Variants in CPEB1 observed in about 807,000 individuals in gnomAD.
The protein encoded by CPEB1 is cytoplasmic polyadenylation element binding protein 1.
Under a neutral mutation model 65.8 loss-of-function variants are expected in CPEB1, and 7 were observed. The observed-to-expected ratio is 0.11, with a 90% CI of 0.06 to 0.20. The LOEUF (loss-of-function observed/expected upper bound fraction) is 0.20. Among genes scored for constraint, CPEB1 ranks in the 10% least tolerant of loss-of-function variants. CPEB1 has a pLI of 1.00. For missense variants in CPEB1, 551 were observed against 712.2 expected (o/e 0.77, Z 2.58); for synonymous variants, 262 against 260.0 (o/e 1.01, Z -0.08).
At chr15:82,617,883 G>A (rs964034959) in intron 3 of CPEB1, among the ~76,000 whole-genome samples, 15 of 150,508 alleles carry the variant, frequency 1.0e-4, no homozygotes, top group African/African-American at 2.9e-4. Flanking sequence ...ACAGGCGCCC[G>A]CCACTACGCC....
intron 6 of CPEB1, among the ~76,000 whole-genome samples, chr15:82,554,328 A>G (rs571188843): frequency 1.3e-5 from 2 of 152,374 alleles, no homozygotes; most frequent in East Asian, 3.9e-4. Flanking sequence ...TATTGCTTAC[A>G]GTACTAATTC....
chr15:82,635,922 T>C (rs1309440760), intron 1 of CPEB1, among the ~76,000 whole-genome samples: 1 of 152,048 alleles, frequency 6.6e-6, no homozygotes, highest in African/African-American at 2.4e-5. Context: ...GAAAACAAAG[T>C]AGTCCAACAG....
Position 82,601,480 on chromosome 15 carries a change from G to A in CPEB1, c.271+25713C>T, listed in dbSNP as rs139503783. Reference sequence around the variant, plus strand: ...CGCTTGAAACCAGGAGGCGGAGGTTGCAGTGACCTGAGATCACGCCACTGC... The same window carrying A: ...CGCTTGAAACCAGGAGGCGGAGGTTACAGTGACCTGAGATCACGCCACTGC... On this transcript the variant is annotated intron_variant, in intron 3 of 12. Coordinates refer to ENST00000684509, the MANE Select transcript of CPEB1 (RefSeq NM_001365242.1). 1.1e-3 allele frequency among the ~76,000 whole-genome samples: 165 copies of A among 152,168 alleles called. 2 individuals carry two copies. In the East Asian group the frequency reaches 0.027, roughly 25 times the overall value.
intron 3 of CPEB1, chr15:82,571,910 GAA>G: frequency 1.0e-6 from 1 of 970,088 alleles, no homozygotes; most frequent in East Asian, 9.4e-5. Flanking sequence ...GCCTCCCAGG[GAA>G]AGACAGCACA....
chr15:82,637,946 T>G (rs758915854), intron 1 of CPEB1: 14 of 452,542 alleles, frequency 3.1e-5, no homozygotes, highest in South Asian at 1.9e-4. Context: ...CTATTACATA[T>G]TAACACAATG....
chr15:82,576,066 G>A lies in CPEB1; in HGVS notation c.272-4534C>T, dbSNP rs370584269. 5.3e-5 allele frequency among the ~76,000 whole-genome samples: 8 copies of A among 152,088 alleles called. No individual in the cohort carries two copies. The East Asian group carries it at 7.7e-4, about 15-fold the overall frequency. On this transcript the variant is annotated intron_variant, in intron 3 of 12. Transcript: ENST00000684509. ...CAGCTTTATTCATAATCACCCAAAC[G>A]TGGATTCAGTCCATGTGAGAATCAA...
At chr15:82,648,004 CGAGCCGCTCCTCG>C, upstream of CPEB1, 1 of 665,148 alleles carries the variant, frequency 1.5e-6, no homozygotes, top group Non-Finnish European at 2.1e-6. Flanking sequence ...GAAGCTCCTA[CGAGCCGCTCCTCG>C]GAGCCGCCCC....
intron 3 of CPEB1, among the ~76,000 whole-genome samples, chr15:82,609,625 T>C (rs560097976): frequency 6.6e-6 from 1 of 150,988 alleles, no homozygotes; most frequent in South Asian, 2.1e-4. Context: ...CGAAATAATG[T>C]CTAGAAAAAC....
intron 3 of CPEB1, among the ~76,000 whole-genome samples, chr15:82,578,812 A>G (rs553608581): frequency 6.6e-6 from 1 of 152,248 alleles, no homozygotes; most frequent in Admixed American, 6.5e-5. Flanking sequence ...AGTCAGTCAT[A>G]CAAAATTACA....
At chr15:82,645,760 C>G (rs1185964413) in intron 1 of CPEB1, among the ~76,000 whole-genome samples, 2 of 151,964 alleles carry the variant, frequency 1.3e-5, no homozygotes, top group Non-Finnish European at 2.9e-5. Context: ...CCTAGCTACA[C>G]AGGAGGCTGA....
At chr15:82,612,840 AAG>A (rs1238142593) in intron 3 of CPEB1, among the ~76,000 whole-genome samples, 31 of 122,088 alleles carry the variant, frequency 2.5e-4, no homozygotes, top group South Asian at 2.3e-3. Flanking sequence ...TCTCAAAAAA[AAG>A]AACAAACAAA....
intron 3 of CPEB1, among the ~76,000 whole-genome samples, chr15:82,617,640 T>C (rs963521774): frequency 2.6e-5 from 4 of 151,150 alleles, no homozygotes; most frequent in African/African-American, 7.3e-5. Flanking sequence ...GTTAGCAAAA[T>C]AGGGGAAATT....
rs375216057 is a variant in CPEB1, at chr15:82,616,353, G to A, written c.271+10840C>T. Among the ~76,000 whole-genome samples, 178 of 152,058 alleles carry A rather than the reference G, an allele frequency of 1.2e-3. 1 individual carries two copies. The highest frequency in any genetic ancestry group is 4.1e-3 in the African/African-American group (172 of 41,486). ...ACAGAGAAGTATAAAAACACGGATG[G>A]GAAGGAAATATACCAACTTCAGGAG... On this transcript the variant is annotated intron_variant, in intron 3 of 12. Coordinates refer to ENST00000684509, the MANE Select transcript of CPEB1 (RefSeq NM_001365242.1).
chr15:82,549,538 G>C lies in CPEB1; in HGVS notation c.1402C>G (p.Leu468Val). 1 of 1,614,206 alleles carries C rather than the reference G, an allele frequency of 6.2e-7. No homozygotes were observed. The highest frequency in any genetic ancestry group is 8.5e-7 in the Non-Finnish European group (1 of 1,180,038). Residue 468 changes from leucine to valine, a missense_variant, in exon 10 of 13, where the codon CTG becomes GTG. By Grantham distance (32) the Leu-to-Val change is conservative (BLOSUM62 1). Coordinates refer to ENST00000684509, the MANE Select transcript of CPEB1 (RefSeq NM_001365242.1). The part of the protein sequence containing the change: ...ALHGMLNAEA[L>V]AAILNDLFGG... Reference sequence around the variant, plus strand: ...AATAGGTCGTTCAAGATGGCTGCCAGGGCCTCAGCATTTAGCATTCCATGC... The same window carrying C: ...AATAGGTCGTTCAAGATGGCTGCCACGGCCTCAGCATTTAGCATTCCATGC...
At chr15:82,588,230 A>G (rs1451206124) in intron 3 of CPEB1, among the ~76,000 whole-genome samples, 1 of 152,014 alleles carries the variant, frequency 6.6e-6, no homozygotes, top group Non-Finnish European at 1.5e-5. Context: ...TACAGGTGTG[A>G]GTGACCGCAT....
At chr15:82,622,755 C>T (rs962447722) in intron 3 of CPEB1, among the ~76,000 whole-genome samples, 13 of 152,288 alleles carry the variant, frequency 8.5e-5, no homozygotes, top group Admixed American at 8.5e-4. Flanking sequence ...AGCTGTCTAA[C>T]CAGGGGTTCA....
chr15:82,624,861 G>A (rs1253440225), intron 3 of CPEB1, among the ~76,000 whole-genome samples: 1 of 151,790 alleles, frequency 6.6e-6, no homozygotes, highest in African/African-American at 2.4e-5. Context: ...GAGGTGGGCA[G>A]GGGTCCTGCT....
At chr15:82,545,833 TG>T (rs2035088076) in intron 12 of CPEB1, among the ~76,000 whole-genome samples, 1 of 152,192 alleles carries the variant, frequency 6.6e-6, no homozygotes, top group African/African-American at 2.4e-5. Flanking sequence ...CAGCTGAGCC[TG>T]GCTCCCACGT....
intron 3 of CPEB1, among the ~76,000 whole-genome samples, chr15:82,593,988 G>T (rs981284816): frequency 6.6e-6 from 1 of 152,178 alleles, no homozygotes; most frequent in Non-Finnish European, 1.5e-5. Context: ...TCCATTTATA[G>T]AGCACAGGCA....
Sources: allele counts gnomAD v4.1 joint callset (sites outside exome capture counted in the v4.1 genomes callset), GRCh38; gene constraint gnomAD v4.1.1; transcripts MANE v1.5; gene names NCBI Gene and HGNC (gene_info 2026-07-23, HGNC 2026-07-21).